PRKAR2B: variants seen among roughly 807,000 people sequenced by gnomAD.
The protein encoded by PRKAR2B is cAMP-dependent protein kinase type II-beta regulatory subunit.
A neutral mutation model predicts 49.9 loss-of-function variants in PRKAR2B; 14 were observed. The observed-to-expected ratio is 0.28, with a 90% CI of 0.19 to 0.44. The LOEUF is 0.44. Among genes scored for constraint, PRKAR2B ranks in the 20% least tolerant of loss-of-function variants. The pLI is 1.00. For synonymous variants in PRKAR2B, 196 were observed against 197.7 expected, an observed-to-expected ratio of 0.99 and a Z score of 0.07; for missense variants, 393 against 537.9, an observed-to-expected ratio of 0.73 and a Z score of 2.67.
At chr7:107,120,904 A>G (rs1795374792) in intron 2 of PRKAR2B, among the ~76,000 whole-genome samples, 1 of 151,784 alleles carries the variant, frequency 6.6e-6, no homozygotes, top group Admixed American at 6.6e-5. Flanking sequence ...TTTCCTATAG[A>G]TAAGGACAAA....
At position 107,120,473 on chromosome 7, in the gene PRKAR2B, A is replaced by T. The variant is rs114950229; in HGVS notation, c.344-1479A>T. On this transcript the variant is annotated intron_variant, in intron 2 of 10. Coordinates refer to ENST00000265717, the MANE Select transcript of PRKAR2B (RefSeq NM_002736.3). ...AATGGGAATAGTGGTACCAAAGATG[A>T]TACTACTTTTGATGCCACCCTGAGG... is the stretch of plus-strand genomic sequence containing the variant. Among the ~76,000 whole-genome samples, 574 of 152,252 alleles carry T rather than the reference A, an allele frequency of 3.8e-3. 4 individuals carry two copies. The highest frequency in any genetic ancestry group is 0.014 in the African/African-American group (561 of 41,548).
Position 107,159,840 on chromosome 7 carries a change from T to C in PRKAR2B, c.*258T>C, listed in dbSNP as rs1796166483. 2 of 354,872 alleles carry C rather than the reference T, an allele frequency of 5.6e-6. No individual in the cohort carries two copies. Among genetic ancestry groups the C allele is most frequent in the Non-Finnish European group, 1.0e-5 (2 of 196,568 alleles). 22.0% of individuals were successfully genotyped at this position (354,872 alleles called of 1,614,324 possible). A position where few individuals can be genotyped will look rare whatever the true frequency, so the allele number is the denominator to read the frequency against. On this transcript the variant is annotated 3_prime_UTR_variant, in exon 11 of 11. Coordinates refer to ENST00000265717, the MANE Select transcript of PRKAR2B (RefSeq NM_002736.3). ...TCCACAAAATTATGACTGAAAGGTT[T>C]ATTAAAATGATTGTAATATATAGAA...
rs202153067 is a variant in PRKAR2B at position 107,112,641 on chromosome 7, GA to G, written c.344-9304del. 7.2e-4 allele frequency among the ~76,000 whole-genome samples: 110 copies of G among 151,800 alleles called. 4 individuals carry two copies. In the East Asian group the frequency reaches 0.019, roughly 27 times the overall value. ...TTTGAACTCACAGAAAATAACGCGT[GA>G]AAAAAAGGCTGATGAGTTCCCCTTT... On this transcript the variant is annotated intron_variant, in intron 2 of 10. Coordinates refer to ENST00000265717, the MANE Select transcript of PRKAR2B (RefSeq NM_002736.3).
At chr7:107,112,151 G>A (rs1471911941) in intron 2 of PRKAR2B, among the ~76,000 whole-genome samples, 2 of 139,008 alleles carry the variant, frequency 1.4e-5, no homozygotes, top group African/African-American at 5.6e-5. Flanking sequence ...TCCACCCTGG[G>A]TGACAGAGCA....
chr7:107,098,126 C>G (rs546625622), intron 2 of PRKAR2B, among the ~76,000 whole-genome samples: 2 of 152,322 alleles, frequency 1.3e-5, no homozygotes, highest in African/African-American at 2.4e-5. Flanking sequence ...GTTCCTTTCT[C>G]CCCGTCACTT....
Position 107,065,313 on chromosome 7 carries a change from GGTGTGTGTATGTGTGTGTGT to G in PRKAR2B, c.308-4959_308-4940del, listed in dbSNP as rs1179390373. Among the ~76,000 whole-genome samples, 6 of 130,398 alleles carry G rather than the reference GGTGTGTGTATGTGTGTGTGT, an allele frequency of 4.6e-5. No individual in the cohort carries two copies. The East Asian group carries it at 9.3e-4, about 20-fold the overall frequency. The allele number at this position is 130,398 out of a possible 152,430, so 85.5% of individuals were successfully genotyped here. A position where few individuals can be genotyped will look rare whatever the true frequency, so the allele number is the denominator to read the frequency against. On this transcript the variant is annotated intron_variant, in intron 1 of 10. Coordinates refer to ENST00000265717, the MANE Select transcript of PRKAR2B (RefSeq NM_002736.3). ...TTGTTTTTTATTTTTGTTTGCTCGG[GGTGTGTGTATGTGTGTGTGT>G]GTGTGTGTGTGTGTGTGTGTGTGTG...
At chr7:107,156,843 A>ACTC in intron 8 of PRKAR2B, 141 bp from the exon 9 acceptor site, 1 of 715,570 alleles carries the variant, frequency 1.4e-6, no homozygotes, top group Non-Finnish European at 2.4e-6. Context: ...AAACCGAGAC[A>ACTC]GCTTGTTCCC....
chr7:107,125,646 A>G (rs930553659), intron 3 of PRKAR2B, among the ~76,000 whole-genome samples: 3 of 152,184 alleles, frequency 2.0e-5, no homozygotes, highest in Admixed American at 6.6e-5. Flanking sequence ...TACTTTCCCC[A>G]GTGAAGAGGG....
intron 2 of PRKAR2B, among the ~76,000 whole-genome samples, chr7:107,092,333 G>C (rs535417668): frequency 9.9e-5 from 15 of 151,632 alleles, no homozygotes; most frequent in African/African-American, 3.6e-4. Flanking sequence ...TACCAGAAAT[G>C]GTCAGGATAG....
chr7:107,106,313 G>A lies in PRKAR2B; in HGVS notation c.344-15639G>A, dbSNP rs552621678. Among the ~76,000 whole-genome samples the A allele has an allele frequency of 8.5e-5, 13 of 152,194 alleles. No individual in the cohort carries two copies. In the East Asian group the frequency reaches 1.7e-3, roughly 20 times the overall value. The stretch of plus-strand genomic sequence containing the variant: ...GAAGGTCTGGATCTGGAACTGCATC[G>A]CACCCCACAAGAAAAATGGCTCGGC... On this transcript the variant is annotated intron_variant, in intron 2 of 10. Coordinates refer to ENST00000265717, the MANE Select transcript of PRKAR2B (RefSeq NM_002736.3).
At chr7:107,122,027 G>T in intron 3 of PRKAR2B, 23 bp downstream of exon 3, 2 of 1,513,744 alleles carry the variant, frequency 1.3e-6, no homozygotes, top group South Asian at 2.4e-5. Flanking sequence ...CTGAATGAAT[G>T]AATTTTAAAT....
At chr7:107,130,222 G>A (rs552464363) in intron 4 of PRKAR2B, among the ~76,000 whole-genome samples, 5 of 152,144 alleles carry the variant, frequency 3.3e-5, no homozygotes, top group Non-Finnish European at 5.9e-5. Flanking sequence ...ATGCCGGGCC[G>A]GGCGTGGTGG....
intron 1 of PRKAR2B, among the ~76,000 whole-genome samples, chr7:107,061,211 A>G (rs1196356083): frequency 6.6e-6 from 1 of 151,914 alleles, no homozygotes; most frequent in Non-Finnish European, 1.5e-5. Flanking sequence ...TGATTTAATC[A>G]TTTGTAGGCT....
At chr7:107,158,146 C>T (rs1187846274) in intron 10 of PRKAR2B, among the ~76,000 whole-genome samples, 1 of 146,074 alleles carries the variant, frequency 6.8e-6, no homozygotes, top group African/African-American at 2.5e-5. Context: ...GGTAATTTCC[C>T]TAAGTAGGGC....
intron 1 of PRKAR2B, 181 bp from the exon 2 acceptor site, chr7:107,070,100 A>G (rs975375347): frequency 1.9e-5 from 9 of 471,696 alleles, no homozygotes; most frequent in African/African-American, 1.4e-4. Context: ...ATTTCAATTT[A>G]TATTTATTTG....
chr7:107,135,728 T>C (rs1410140788), intron 4 of PRKAR2B, among the ~76,000 whole-genome samples: 1 of 152,122 alleles, frequency 6.6e-6, no homozygotes, highest in African/African-American at 2.4e-5. Flanking sequence ...GGGAAGAATT[T>C]AATAAATGAA....
chr7:107,065,395 A>G (rs948364745), intron 1 of PRKAR2B, among the ~76,000 whole-genome samples: 1 of 149,212 alleles, frequency 6.7e-6, no homozygotes, highest in Non-Finnish European at 1.5e-5. Context: ...TGCAGATCAC[A>G]GCTCAGGGCT....
At chr7:107,110,069 G>C (rs1795144770) in intron 2 of PRKAR2B, among the ~76,000 whole-genome samples, 2 of 152,206 alleles carry the variant, frequency 1.3e-5, no homozygotes, top group Non-Finnish European at 1.5e-5. Flanking sequence ...TCCAGCAGTG[G>C]CCGCATGGTG....
chr7:107,047,785 A>G (rs564845258), intron 1 of PRKAR2B, among the ~76,000 whole-genome samples: 10 of 152,332 alleles, frequency 6.6e-5, no homozygotes, highest in Admixed American at 6.5e-4. Flanking sequence ...AGTTTGATTC[A>G]GAAATGACCA....
Sources: gnomAD v4.1 joint callset for allele counts (sites outside exome capture counted in the v4.1 genomes callset) on GRCh38, gnomAD v4.1.1 for gene constraint, MANE v1.5 for transcripts, NCBI Gene and HGNC (gene_info 2026-07-23, HGNC 2026-07-21) for gene names.